The following PCDHA4 variants were observed in gnomAD, a reference collection of about 807,000 sequenced individuals.
PCDHA4 encodes the protein protocadherin alpha 4.
In PCDHA4, 49 loss-of-function variants were observed where a neutral mutation model predicts 61.4. The observed-to-expected ratio is 0.80, with a 90% CI of 0.63 to 1.01. The LOEUF is 1.01. Ranked by LOEUF, PCDHA4 falls within the 50% of genes least tolerant of loss-of-function variation. The pLI is 0.00. For synonymous variants in PCDHA4, 590 were observed against 550.3 expected (o/e 1.07, Z -1.01); for missense variants, 1,254 against 1,235.8 (o/e 1.01, Z -0.22).
chr5:140,827,601 G>C (rs1237509481), intron 1 of PCDHA4, among the ~76,000 whole-genome samples: 1 of 152,162 alleles, frequency 6.6e-6, no homozygotes, highest in African/African-American at 2.4e-5. Flanking sequence ...ACAGATGTGG[G>C]CAAGTTTCTT....
intron 1 of PCDHA4, chr5:140,883,378 C>G (rs782530143): frequency 6.2e-7 from 1 of 1,614,146 alleles, no homozygotes; most frequent in Non-Finnish European, 8.5e-7. Context: ...CCATTATTGC[C>G]CTAATCAGTG....
intron 1 of PCDHA4, chr5:140,967,401 G>C: frequency 6.2e-7 from 1 of 1,611,944 alleles, no homozygotes; most frequent in Non-Finnish European, 8.5e-7. Context: ...CTGGTGCTGC[G>C]TAAGGGCCTA....
In PCDHA4 at chr5:140,807,718, CT is replaced by C. The variant is rs1227381319; in HGVS notation, c.535del (p.Ser179LeufsTer11). The C allele has an allele frequency of 6.2e-7, 1 of 1,614,230 alleles. No homozygotes were observed. The highest frequency in any genetic ancestry group is 8.5e-7 in the Non-Finnish European group (1 of 1,180,044). On this transcript the variant is annotated frameshift_variant, in exon 1 of 4. Transcript: ENST00000530339. LOFTEE classifies it high-confidence loss of function. The part of the protein sequence containing the change: ...LTYRLSPNEY[F>X]SLEKPPDDEL... ...CTTACAGACTGAGCCCAAATGAATA[CT>C]TTTCTCTGGAAAAACCACCTGATGA...
intron 1 of PCDHA4, among the ~76,000 whole-genome samples, chr5:140,906,808 C>A (rs902394073): frequency 6.6e-6 from 1 of 152,214 alleles, no homozygotes; most frequent in Non-Finnish European, 1.5e-5. Flanking sequence ...CTCTTCCTTA[C>A]CTCCACTGTG....
Position 140,881,340 on chromosome 5 carries a change from CG to C in PCDHA4, c.2385+71771del, listed in dbSNP as rs1453642152. Reference sequence around the variant, plus strand: ...ATTCTATTTAACCAGGACGCCGATTCGGGCTACAATGCGTGGCTTTCGTATG... The same window carrying C: ...ATTCTATTTAACCAGGACGCCGATTCGGCTACAATGCGTGGCTTTCGTATG... On this transcript the variant is annotated intron_variant, in intron 1 of 3. Coordinates refer to ENST00000530339, the MANE Select transcript of PCDHA4 (RefSeq NM_018907.4). The C allele has an allele frequency of 3.0e-6, 3 of 984,934 alleles. No individual in the cohort carries two copies. The African/African-American group carries it at 5.2e-5, about 17-fold the overall frequency. The allele number at this position is 984,934 out of a possible 1,614,324, so 61.0% of individuals were successfully genotyped here. A position where few individuals can be genotyped will look rare whatever the true frequency, so the allele number is the denominator to read the frequency against.
At chr5:140,965,402 G>A (rs1554227671) in intron 1 of PCDHA4, among the ~76,000 whole-genome samples, 1 of 152,112 alleles carries the variant, frequency 6.6e-6, no homozygotes, top group Non-Finnish European at 1.5e-5. Context: ...AGTCTAAGGA[G>A]TCTTATATTT....
At chr5:140,988,756 A>G (rs577332845) in intron 3 of PCDHA4, among the ~76,000 whole-genome samples, 170 of 152,318 alleles carry the variant, frequency 1.1e-3, no homozygotes, top group African/African-American at 4.0e-3. Flanking sequence ...TGGCCTGGGC[A>G]GAATACAGTC....
At chr5:140,820,720 G>A (rs1397690917) in intron 1 of PCDHA4, among the ~76,000 whole-genome samples, 1 of 151,938 alleles carries the variant, frequency 6.6e-6, no homozygotes, top group East Asian at 1.9e-4. Flanking sequence ...ATATTTACTG[G>A]AACCTAAACA....
intron 3 of PCDHA4, among the ~76,000 whole-genome samples, chr5:140,993,462 T>TCTCA (rs1235362335): frequency 6.4e-5 from 9 of 140,938 alleles, no homozygotes; most frequent in African/African-American, 2.1e-4. Context: ...TCTTTCTTTC[T>TCTCA]CACACACACA....
At chr5:140,950,549 G>A (rs1023288540) in intron 1 of PCDHA4, among the ~76,000 whole-genome samples, 1 of 151,948 alleles carries the variant, frequency 6.6e-6, no homozygotes, top group African/African-American at 2.4e-5. Context: ...TGCATGGCTG[G>A]GGGGACACTT....
intron 1 of PCDHA4, chr5:140,822,579 A>G (rs2150117484): frequency 1.2e-6 from 2 of 1,612,484 alleles, no homozygotes; most frequent in South Asian, 2.2e-5. Context: ...CCTCAGATGC[A>G]GATGAGGGCA....
In PCDHA4 at chr5:140,850,584, A is replaced by G. The variant is rs1484372356; in HGVS notation, c.2385+41012A>G. On this transcript the variant is annotated intron_variant, in intron 1 of 3. Transcript: ENST00000530339. Reference sequence around the variant, plus strand: ...CCCCGAGGTGACGCTGGTGGATGTCAACGTGTACCTGATCATCGCCATCTG... The same window carrying G: ...CCCCGAGGTGACGCTGGTGGATGTCGACGTGTACCTGATCATCGCCATCTG... The G allele has an allele frequency of 2.5e-6, 4 of 1,598,362 alleles. 1 individual carries two copies. The highest frequency in any genetic ancestry group is 3.4e-6 in the Non-Finnish European group (4 of 1,167,826).
chr5:141,010,272 T>C lies in PCDHA4; in HGVS notation c.*335T>C. On this transcript the variant is annotated 3_prime_UTR_variant, in exon 4 of 4. Coordinates refer to ENST00000530339, the MANE Select transcript of PCDHA4 (RefSeq NM_018907.4). ...TCTCTGCCCTGTGCTCCGGGGATCC[T>C]GTCTTGATGACACTTGCAGGGCAGG... The C allele has an allele frequency of 6.4e-7, 1 of 1,551,508 alleles. No homozygotes were observed. Among genetic ancestry groups the C allele is most frequent in the Non-Finnish European group, 8.7e-7 (1 of 1,146,940 alleles).
intron 1 of PCDHA4, among the ~76,000 whole-genome samples, chr5:140,819,034 C>G (rs1766478495): frequency 6.6e-6 from 1 of 152,116 alleles, no homozygotes; most frequent in African/African-American, 2.4e-5. Context: ...AGCACATTCC[C>G]TTATAGGGCA....
intron 1 of PCDHA4, among the ~76,000 whole-genome samples, chr5:140,874,080 C>A (rs2054679872): frequency 6.6e-6 from 1 of 152,142 alleles, no homozygotes; most frequent in South Asian, 2.1e-4. Flanking sequence ...CTGATGACAT[C>A]AAAATTCAAA....
At chr5:140,841,423 C>A (rs139433967) in intron 1 of PCDHA4, 2 of 1,610,284 alleles carry the variant, frequency 1.2e-6, no homozygotes, top group Admixed American at 3.4e-5. Flanking sequence ...TCCACTACTC[C>A]GTCCCCGAGG....
rs782009999 is a variant in PCDHA4, at chr5:140,928,473, C to G, written c.2386-50476C>G. 25 of 1,614,096 alleles carry G rather than the reference C, an allele frequency of 1.5e-5. No individual in the cohort carries two copies. The East Asian group carries it at 2.5e-4, about 16-fold the overall frequency. ...GGGGGTTTCATTTCCAAGTAGAAGGCCGGGATGGTGGCATTCCTCCCAGAA... is the reference window on the plus strand; with the variant it reads ...GGGGGTTTCATTTCCAAGTAGAAGGGCGGGATGGTGGCATTCCTCCCAGAA... On this transcript the variant is annotated intron_variant, in intron 1 of 3. Transcript: ENST00000530339.
intron 1 of PCDHA4, chr5:140,869,236 G>T (rs781873875): frequency 6.2e-7 from 1 of 1,613,674 alleles, no homozygotes; most frequent in South Asian, 1.1e-5. Context: ...CGGCACCTTC[G>T]TGGGCCGCAT....
At chr5:140,822,974 TC>T in intron 1 of PCDHA4, 1 of 1,614,226 alleles carries the variant, frequency 6.2e-7, no homozygotes, top group Admixed American at 1.7e-5. Flanking sequence ...GTGTCCACCT[TC>T]AAGAATTACT....
Sources: allele counts gnomAD v4.1 joint callset (sites outside exome capture counted in the v4.1 genomes callset), GRCh38; gene constraint gnomAD v4.1.1; transcripts MANE v1.5; gene names NCBI Gene and HGNC (gene_info 2026-07-23, HGNC 2026-07-21).